EFCAB5: variants seen among roughly 807,000 people sequenced by gnomAD.
The protein encoded by EFCAB5 is EF-hand calcium-binding domain-containing protein 5.
In EFCAB5, 131 loss-of-function variants were observed where a neutral mutation model predicts 167.9. That is an observed-to-expected ratio of 0.78 (90% CI 0.68 to 0.90). The LOEUF (loss-of-function observed/expected upper bound fraction) is 0.90. Ranked by LOEUF, EFCAB5 falls within the 40% of genes least tolerant of loss-of-function variation. EFCAB5 has a pLI of 0.00. For synonymous variants in EFCAB5, 574 were observed against 602.8 expected (o/e 0.95, Z 0.70); for missense variants, 1,663 against 1,745.2 (o/e 0.95, Z 0.84).
chr17:30,054,024 T>C lies in EFCAB5; in HGVS notation c.2070T>C (p.Ser690=), dbSNP rs775362801. Residue 690 remains serine, a synonymous_variant, in exon 10 of 23, where the codon TCT becomes TCC. Coordinates refer to ENST00000394835, the MANE Select transcript of EFCAB5 (RefSeq NM_198529.4). ...KSTKYGEPIT[S]EYIEVPLQEK... ...CAAAATATGGGGAACCTATAACCTC[T>C]GAGTACATTGAAGTCCCTCTACAGG... 4 of 1,607,808 alleles carry C rather than the reference T, an allele frequency of 2.5e-6. No individual in the cohort carries two copies. The highest frequency in any genetic ancestry group is 3.4e-6 in the Non-Finnish European group (4 of 1,176,518).
At position 30,034,214 on chromosome 17, in the gene EFCAB5, T is replaced by A. The variant is rs1567728566; in HGVS notation, c.1045-16T>A. 1 of 1,611,686 alleles carries A rather than the reference T, an allele frequency of 6.2e-7. No individual in the cohort carries two copies. The highest frequency in any genetic ancestry group is 2.2e-5 in the East Asian group (1 of 44,798). ...GTTTTAAGTCAATCGTTTATCCTCT[T>A]TTTTTTCCCCTGTAGTACATCTCTT... On this transcript the variant is annotated splice_polypyrimidine_tract_variant and intron_variant, in intron 7 of 22. Coordinates refer to ENST00000394835, the MANE Select transcript of EFCAB5 (RefSeq NM_198529.4).
chr17:29,999,739 T>C (rs1021335445), intron 6 of EFCAB5, among the ~76,000 whole-genome samples, 167 bp from the exon 7 acceptor site: 4 of 152,134 alleles, frequency 2.6e-5, no homozygotes, highest in Admixed American at 2.6e-4. Context: ...AGTAATAATT[T>C]TGTAGTATTT....
intron 8 of EFCAB5, among the ~76,000 whole-genome samples, chr17:30,035,816 G>T (rs1031541340): frequency 4.0e-5 from 6 of 151,882 alleles, no homozygotes; most frequent in South Asian, 2.1e-4. Flanking sequence ...CAGCACGAAG[G>T]TCAAGTGATC....
At chr17:29,994,035 T>G (rs2151637942) in intron 5 of EFCAB5, among the ~76,000 whole-genome samples, 1 of 148,132 alleles carries the variant, frequency 6.8e-6, no homozygotes, top group South Asian at 2.2e-4. Context: ...GTCCAGGAGG[T>G]CGAAGCTGCA....
intron 4 of EFCAB5, among the ~76,000 whole-genome samples, chr17:29,986,748 C>T (rs933878381): frequency 1.1e-4 from 16 of 144,726 alleles, no homozygotes; most frequent in South Asian, 2.2e-4. Flanking sequence ...CTGGGGTTCA[C>T]GCCATTCTCC....
intron 8 of EFCAB5, among the ~76,000 whole-genome samples, chr17:30,042,954 G>C (rs146149092): frequency 6.6e-6 from 1 of 152,080 alleles, no homozygotes; most frequent in Non-Finnish European, 1.5e-5. Context: ...ATCAAATAGA[G>C]CTTAATCCAG....
intron 1 of EFCAB5, among the ~76,000 whole-genome samples, chr17:29,932,090 T>C (rs760468904): frequency 9.2e-5 from 14 of 152,040 alleles, no homozygotes; most frequent in Non-Finnish European, 1.6e-4. Flanking sequence ...ATTCTTGAGA[T>C]AATGTATGGT....
At chr17:30,101,331 A>G (rs530466147) in intron 22 of EFCAB5, among the ~76,000 whole-genome samples, 1 of 152,304 alleles carries the variant, frequency 6.6e-6, no homozygotes, top group East Asian at 1.9e-4. Flanking sequence ...TATTATATAT[A>G]TTTGAGAGGC....
rs981137905 is a variant in EFCAB5, at chr17:30,092,025, T to C, written c.4092T>C (p.Pro1364=). Residue 1364 remains proline (P), a synonymous_variant, in exon 21 of 23, where the codon CCT becomes CCC. Transcript: ENST00000394835. ...DHTLVTEPNS[P]QDSKSMELEA... ...CTCTTGTAACAGAGCCAAATTCTCC[T>C]CAAGACAGCAAATCTATGGAGTTGG... The C allele has an allele frequency of 2.5e-6, 4 of 1,613,852 alleles. 1 individual carries two copies. The highest frequency in any genetic ancestry group is 1.1e-5 in the South Asian group (1 of 91,078).
chr17:30,105,527 AAG>A (rs1158736570), intron 22 of EFCAB5, among the ~76,000 whole-genome samples: 3 of 152,072 alleles, frequency 2.0e-5, no homozygotes, highest in African/African-American at 7.2e-5. Flanking sequence ...AAAAAACAGA[AAG>A]AGAGATGAAT....
chr17:29,932,583 G>A (rs2067211286), intron 1 of EFCAB5, among the ~76,000 whole-genome samples: 1 of 150,722 alleles, frequency 6.6e-6, no homozygotes, highest in Non-Finnish European at 1.5e-5. Context: ...AGCCTCCTGA[G>A]TAGCTGGGAT....
At chr17:29,955,047 T>C (rs977337551) in intron 3 of EFCAB5, among the ~76,000 whole-genome samples, 4 of 152,260 alleles carry the variant, frequency 2.6e-5, no homozygotes, top group Admixed American at 6.5e-5. Flanking sequence ...ACCCCCATTG[T>C]ATCTAGGAAG....
rs116438700 is a variant in EFCAB5 at position 29,989,460 on chromosome 17, G to A, written c.768-3705G>A. On this transcript the variant is annotated intron_variant, in intron 4 of 22. Coordinates refer to ENST00000394835, the MANE Select transcript of EFCAB5 (RefSeq NM_198529.4). ...CAATGAAAACACTTAGCAGGCCGCA[G>A]GTTGTTTACCACAGGAATTGTAAAT... 5.0e-3 allele frequency among the ~76,000 whole-genome samples: 769 copies of A among 152,318 alleles called. 7 individuals are homozygous for A. The highest frequency in any genetic ancestry group is 0.017 in the African/African-American group (726 of 41,572).
intron 14 of EFCAB5, among the ~76,000 whole-genome samples, chr17:30,071,733 T>A (rs75298526): frequency 6.6e-5 from 10 of 152,164 alleles, no homozygotes; most frequent in African/African-American, 2.4e-4. Context: ...AGCTGAGATA[T>A]GAGATCAGCT....
chr17:29,989,185 A>G, intron 4 of EFCAB5, among the ~76,000 whole-genome samples: 1 of 152,210 alleles, frequency 6.6e-6, no homozygotes, highest in East Asian at 1.9e-4. Flanking sequence ...GTCATTTACT[A>G]AGGTCCCCAA....
intron 8 of EFCAB5, among the ~76,000 whole-genome samples, chr17:30,043,217 T>A (rs1029120436): frequency 2.6e-5 from 4 of 152,294 alleles, no homozygotes; most frequent in East Asian, 3.9e-4. Context: ...GATACAAAAA[T>A]TTTTTAAAAA....
chr17:30,071,822 GA>G (rs913319794), intron 14 of EFCAB5, among the ~76,000 whole-genome samples: 24 of 152,174 alleles, frequency 1.6e-4, no homozygotes, highest in Non-Finnish European at 2.2e-4. Flanking sequence ...CCACCAAAAA[GA>G]AAAAAATCTG....
At chr17:29,954,378 G>A (rs2067570597) in intron 3 of EFCAB5, among the ~76,000 whole-genome samples, 1 of 152,162 alleles carries the variant, frequency 6.6e-6, no homozygotes, top group South Asian at 2.1e-4. Context: ...CTTGGGACTT[G>A]GTGCCCTGCA....
At chr17:29,958,322 C>T (rs186139054) in intron 3 of EFCAB5, among the ~76,000 whole-genome samples, 14 of 152,132 alleles carry the variant, frequency 9.2e-5, no homozygotes, top group Admixed American at 9.2e-4. Flanking sequence ...TGCAGTCATG[C>T]TTAGTTCTTT....
Sources: gnomAD v4.1 joint callset for allele counts (sites outside exome capture counted in the v4.1 genomes callset) on GRCh38, gnomAD v4.1.1 for gene constraint, MANE v1.5 for transcripts, NCBI Gene and HGNC (gene_info 2026-07-23, HGNC 2026-07-21) for gene names.